BANK1: variants seen among roughly 807,000 people sequenced by gnomAD.
BANK1 encodes B cell scaffold protein with ankyrin repeats 1, also known as B-cell scaffold protein with ankyrin repeats.
In BANK1, 95 loss-of-function variants were observed where a neutral mutation model predicts 94.5. That is an observed-to-expected ratio of 1.00 (90% CI 0.85 to 1.19). BANK1 has a LOEUF of 1.19. BANK1 is among the 50% of genes most tolerant of loss of function. BANK1 has a pLI of 0.00. For missense variants in BANK1, 987 were observed against 932.2 expected, an observed-to-expected ratio of 1.06 and a Z score of -0.77; for synonymous variants, 334 against 308.4, an observed-to-expected ratio of 1.08 and a Z score of -0.87.
chr4:101,942,901 G>A (rs189744423), intron 7 of BANK1, among the ~76,000 whole-genome samples: 13 of 152,010 alleles, frequency 8.6e-5, no homozygotes, highest in African/African-American at 2.9e-4. Flanking sequence ...TAATGAAATG[G>A]ACTCTGCCTT....
At chr4:101,935,477 T>C (rs1410512143) in intron 7 of BANK1, among the ~76,000 whole-genome samples, 1 of 151,546 alleles carries the variant, frequency 6.6e-6, no homozygotes, top group Non-Finnish European at 1.5e-5. Context: ...CATAATCTAC[T>C]TTTTGAGCAG....
intron 7 of BANK1, among the ~76,000 whole-genome samples, chr4:101,935,583 A>C (rs1272601793): frequency 2.0e-5 from 3 of 151,594 alleles, no homozygotes; most frequent in Non-Finnish European, 4.4e-5. Flanking sequence ...TTTATTATTT[A>C]ATTTATCATC....
intron 7 of BANK1, among the ~76,000 whole-genome samples, chr4:101,931,751 T>C (rs1404189004): frequency 2.0e-5 from 3 of 151,504 alleles, no homozygotes; most frequent in African/African-American, 7.3e-5. Flanking sequence ...ATAATCTGAA[T>C]GCTAGTTTAA....
chr4:102,060,120 A>G, intron 11 of BANK1, 91 bp from the exon 12 acceptor site: 4 of 1,159,992 alleles, frequency 3.4e-6, no homozygotes, highest in Non-Finnish European at 4.7e-6. Flanking sequence ...GTTAAGAAGA[A>G]GCTACTCCAA....
chr4:101,976,869 A>G (rs1725151510), intron 7 of BANK1: 1 of 152,192 alleles, frequency 6.6e-6, no homozygotes, highest in South Asian at 2.1e-4. Flanking sequence ...GCTGAATCTT[A>G]CGGTGGAATA....
chr4:101,954,605 CA>C (rs901952195), intron 7 of BANK1, among the ~76,000 whole-genome samples: 3 of 151,276 alleles, frequency 2.0e-5, no homozygotes, highest in African/African-American at 2.4e-5. Flanking sequence ...GGCATGCTGA[CA>C]AAAAAAATGT....
At chr4:102,060,452 G>A in intron 12 of BANK1, 63 bp downstream of exon 12, 2 of 1,526,008 alleles carry the variant, frequency 1.3e-6, no homozygotes, top group African/African-American at 2.9e-5. Context: ...GTTTGTTAAT[G>A]TTTAATTTTC....
chr4:101,941,712 A>AAT (rs947392494), intron 7 of BANK1, among the ~76,000 whole-genome samples: 161 of 149,254 alleles, frequency 1.1e-3, no homozygotes, highest in African/African-American at 3.8e-3. Context: ...ACCCACTATA[A>AAT]ATATATATAT....
intron 7 of BANK1, among the ~76,000 whole-genome samples, chr4:101,971,080 A>G (rs866277761): frequency 2.2e-4 from 34 of 152,246 alleles, no homozygotes; most frequent in Admixed American, 8.5e-4. Context: ...GAATTAAGAA[A>G]AGGAAATAGC....
At chr4:101,985,676 G>A (rs1352525729) in intron 7 of BANK1, among the ~76,000 whole-genome samples, 2 of 151,900 alleles carry the variant, frequency 1.3e-5, no homozygotes, top group South Asian at 2.1e-4. Flanking sequence ...AATATTGCAT[G>A]TTCAATCATG....
intron 11 of BANK1, among the ~76,000 whole-genome samples, chr4:102,050,087 T>C (rs1439566906): frequency 6.6e-6 from 1 of 152,222 alleles, no homozygotes; most frequent in African/African-American, 2.4e-5. Flanking sequence ...CTTGGATCTC[T>C]CAAGTTGCCC....
At chr4:101,846,356 G>T (rs1391571636) in intron 2 of BANK1, among the ~76,000 whole-genome samples, 1 of 152,158 alleles carries the variant, frequency 6.6e-6, no homozygotes, top group Non-Finnish European at 1.5e-5. Flanking sequence ...TGAAAATTTT[G>T]TGTTTTTGAT....
At chr4:101,820,585 A>T (rs920794596) in intron 1 of BANK1, among the ~76,000 whole-genome samples, 1 of 152,206 alleles carries the variant, frequency 6.6e-6, no homozygotes, top group Admixed American at 6.5e-5. Flanking sequence ...AATTAAGGCC[A>T]GTACCCAATA....
chr4:102,004,251 G>T (rs947259020), intron 7 of BANK1, among the ~76,000 whole-genome samples: 8 of 152,140 alleles, frequency 5.3e-5, no homozygotes, highest in Non-Finnish European at 8.8e-5. Flanking sequence ...ATGAATGTAT[G>T]TGTGAATAGA....
intron 5 of BANK1, among the ~76,000 whole-genome samples, chr4:101,888,265 G>T (rs1415404606): frequency 6.6e-6 from 1 of 152,130 alleles, no homozygotes; most frequent in Non-Finnish European, 1.5e-5. Flanking sequence ...AACTAACCTT[G>T]CAGTTAGACA....
intron 7 of BANK1, among the ~76,000 whole-genome samples, chr4:101,982,410 T>A (rs368993290): frequency 6.6e-6 from 1 of 152,116 alleles, no homozygotes; most frequent in East Asian, 1.9e-4. Context: ...GAAATGCCTA[T>A]CATTATGAAG....
rs371795578 is a variant in BANK1, at chr4:101,808,597, T to C, written c.70+17647T>C. Reference sequence around the variant, plus strand: ...AATCCACAGCGTGGGAGAAAATATTTGCAAACTATGCGTCTGACAAAGGAC... The same window carrying C: ...AATCCACAGCGTGGGAGAAAATATTCGCAAACTATGCGTCTGACAAAGGAC... On this transcript the variant is annotated intron_variant, in intron 1 of 16. Coordinates refer to ENST00000322953, the MANE Select transcript of BANK1 (RefSeq NM_017935.5). 2.0e-5 allele frequency among the ~76,000 whole-genome samples: 3 copies of C among 151,856 alleles called. No homozygotes were observed. In the South Asian group the frequency reaches 6.2e-4, roughly 32 times the overall value.
intron 11 of BANK1, among the ~76,000 whole-genome samples, chr4:102,046,443 A>G (rs185901079): frequency 1.3e-4 from 20 of 152,276 alleles, no homozygotes; most frequent in Non-Finnish European, 2.9e-4. Context: ...TGTTATCATG[A>G]GGGTTCCAGG....
chr4:101,918,166 A>G lies in BANK1; in HGVS notation c.1183A>G (p.Lys395Glu). 6.3e-7 allele frequency: 1 copy of G among 1,576,962 alleles called. No individual in the cohort carries two copies. Among genetic ancestry groups the G allele is most frequent in the South Asian group, 1.2e-5 (1 of 82,548 alleles). ...TGAAAGGCATGGTCACAAAGAACTC[A>G]AGAAAATCTTCGAAGACTTTTCAGT... ...IAERHGHKEL[K>E]KIFEDFSIQE... The change falls in exon 7 of 17, where the codon AAG becomes GAG. Residue 395 changes from lysine to glutamate, a missense_variant. By Grantham distance (56) the Lys-to-Glu change is moderately conservative. Coordinates refer to ENST00000322953, the MANE Select transcript of BANK1 (RefSeq NM_017935.5).
Sources: gnomAD v4.1 joint callset for allele counts (sites outside exome capture counted in the v4.1 genomes callset) on GRCh38, gnomAD v4.1.1 for gene constraint, MANE v1.5 for transcripts, NCBI Gene and HGNC (gene_info 2026-07-23, HGNC 2026-07-21) for gene names.